SSH2: variants seen among roughly 807,000 people sequenced by gnomAD.
SSH2 encodes the protein protein phosphatase Slingshot homolog 2.
SSH2 carries 37 observed loss-of-function variants against 135.2 expected under a neutral mutation model. The ratio of observed to expected loss-of-function variants is 0.27; its 90% CI spans 0.21 to 0.36. SSH2 has a LOEUF of 0.36. Ranked by LOEUF, SSH2 falls within the 10% of genes least tolerant of loss-of-function variation. The pLI is 1.00. For synonymous variants in SSH2, 628 were observed against 646.2 expected (o/e 0.97, Z 0.43); for missense variants, 1,408 against 1,765.3 (o/e 0.80, Z 3.63).
intron 5 of SSH2, among the ~76,000 whole-genome samples, chr17:29,690,013 A>C (rs1320907681): frequency 7.8e-6 from 1 of 127,846 alleles, no homozygotes; most frequent in African/African-American, 3.3e-5. Context: ...GATCCATCTC[A>C]AAAAAAAAAA....
intron 2 of SSH2, among the ~76,000 whole-genome samples, chr17:29,834,827 T>C (rs1322122540): frequency 2.0e-5 from 3 of 152,198 alleles, no homozygotes; most frequent in South Asian, 2.1e-4. Flanking sequence ...TGGAACTATA[T>C]AGTTTTAATT....
At chr17:29,717,098 G>A (rs193269595) in intron 3 of SSH2, among the ~76,000 whole-genome samples, 1 of 152,124 alleles carries the variant, frequency 6.6e-6, no homozygotes, top group East Asian at 1.9e-4. Flanking sequence ...TTAAAACAGA[G>A]AGTCTGTTTG....
chr17:29,751,711 T>C (rs527702033), intron 3 of SSH2, among the ~76,000 whole-genome samples: 1 of 152,320 alleles, frequency 6.6e-6, no homozygotes, highest in South Asian at 2.1e-4. Flanking sequence ...GGTCTGTTAT[T>C]GACCAAAATG....
intron 3 of SSH2, among the ~76,000 whole-genome samples, chr17:29,727,171 A>G (rs1280798352): frequency 6.6e-6 from 1 of 152,220 alleles, no homozygotes; most frequent in East Asian, 1.9e-4. Flanking sequence ...CTCTAGTCAA[A>G]TGAACAATAA....
chr17:29,741,471 T>C (rs1299987364), intron 3 of SSH2, among the ~76,000 whole-genome samples: 1 of 152,192 alleles, frequency 6.6e-6, no homozygotes, highest in Admixed American at 6.5e-5. Flanking sequence ...GGATTGAATA[T>C]GAATCAGTCT....
chr17:29,900,373 A>T (rs1171296091), intron 1 of SSH2, among the ~76,000 whole-genome samples: 2 of 152,228 alleles, frequency 1.3e-5, no homozygotes, highest in Admixed American at 6.5e-5. Flanking sequence ...AAATTTTTGC[A>T]ATCTACTCAT....
At chr17:29,712,660 C>T (rs1191642666) in intron 3 of SSH2, among the ~76,000 whole-genome samples, 2 of 152,028 alleles carry the variant, frequency 1.3e-5, no homozygotes, top group Non-Finnish European at 2.9e-5. Context: ...AAAAATTAGC[C>T]GGGCATGGTG....
intron 1 of SSH2, among the ~76,000 whole-genome samples, chr17:29,927,255 T>C (rs1303697618): frequency 6.6e-6 from 1 of 152,182 alleles, no homozygotes; most frequent in African/African-American, 2.4e-5. Context: ...TTCAGGTACC[T>C]ACAGTATCAT....
intron 11 of SSH2, among the ~76,000 whole-genome samples, chr17:29,659,919 C>T (rs2036957332): frequency 6.6e-6 from 1 of 152,096 alleles, no homozygotes; most frequent in Admixed American, 6.6e-5. Flanking sequence ...CAATCTCCAC[C>T]TCCTGGGTTC....
At chr17:29,641,721 A>C (rs1019423414) in intron 14 of SSH2, 2 of 152,238 alleles carry the variant, frequency 1.3e-5, no homozygotes, top group African/African-American at 2.4e-5. Flanking sequence ...GGAAATTTAA[A>C]TGACAGATGC....
chr17:29,719,706 C>T (rs944058510), intron 3 of SSH2, among the ~76,000 whole-genome samples: 5 of 152,104 alleles, frequency 3.3e-5, no homozygotes, highest in African/African-American at 1.2e-4. Flanking sequence ...TTAAACTTAC[C>T]AATTACACAA....
chr17:29,929,886 A>C lies in SSH2; in HGVS notation c.63+52T>G. On this transcript the variant is annotated intron_variant, in intron 1 of 15. Transcript: ENST00000540801. ...CGTTCGGCGGGACCCGCTGAGGCAAAGCGGAGCCGCAGTGACAGAAGCAAG... is the reference window on the plus strand; with the variant it reads ...CGTTCGGCGGGACCCGCTGAGGCAACGCGGAGCCGCAGTGACAGAAGCAAG... 4 of 1,517,326 alleles carry C rather than the reference A, an allele frequency of 2.6e-6. No individual in the cohort carries two copies. In the South Asian group the frequency reaches 4.8e-5, roughly 18 times the overall value. The allele number at this position is 1,517,326 out of a possible 1,614,324, so 94.0% of individuals were successfully genotyped here.
chr17:29,693,925 A>G (rs1402336973), intron 5 of SSH2, among the ~76,000 whole-genome samples: 1 of 152,190 alleles, frequency 6.6e-6, no homozygotes, highest in Non-Finnish European at 1.5e-5. Flanking sequence ...TCTTTGGCTC[A>G]AAAACCTGTA....
At chr17:29,798,790 A>T (rs1028524203) in intron 2 of SSH2, among the ~76,000 whole-genome samples, 5 of 152,012 alleles carry the variant, frequency 3.3e-5, no homozygotes, top group Non-Finnish European at 7.4e-5. Context: ...ATAATTTTTG[A>T]TATTGTTAGA....
chr17:29,816,804 C>T (rs1301017477), intron 2 of SSH2, among the ~76,000 whole-genome samples: 1 of 151,968 alleles, frequency 6.6e-6, no homozygotes, highest in Non-Finnish European at 1.5e-5. Context: ...TAAATTAGGC[C>T]TAGCTAGTGA....
At chr17:29,817,463 A>G (rs1166255145) in intron 2 of SSH2, among the ~76,000 whole-genome samples, 1 of 152,194 alleles carries the variant, frequency 6.6e-6, no homozygotes, top group Non-Finnish European at 1.5e-5. Context: ...TTTCAATACA[A>G]TCCTTTCCTT....
At chr17:29,793,699 T>A (rs1427496821) in intron 3 of SSH2, 195 bp downstream of exon 3, 1 of 506,190 alleles carries the variant, frequency 2.0e-6, no homozygotes, top group Non-Finnish European at 3.6e-6. Context: ...CCTTAAGCAA[T>A]CCCAAGTAGC....
chr17:29,690,823 C>T (rs186344886), intron 5 of SSH2, among the ~76,000 whole-genome samples: 1 of 151,922 alleles, frequency 6.6e-6, no homozygotes, highest in Admixed American at 6.6e-5. Context: ...GAAAGATATC[C>T]ATGATAAACT....
chr17:29,739,883 T>A (rs1184010531), intron 3 of SSH2, among the ~76,000 whole-genome samples: 2 of 152,226 alleles, frequency 1.3e-5, no homozygotes. Context: ...CATCACAATT[T>A]AATTAAATTG....
Sources: gnomAD v4.1 joint callset for allele counts (sites outside exome capture counted in the v4.1 genomes callset) on GRCh38, gnomAD v4.1.1 for gene constraint, MANE v1.5 for transcripts, NCBI Gene and HGNC (gene_info 2026-07-23, HGNC 2026-07-21) for gene names.